Variants in FER1L6 observed in about 807,000 individuals in gnomAD.
FER1L6 encodes the protein fer-1 like family member 6.
Under a neutral mutation model 219.2 loss-of-function variants are expected in FER1L6, and 177 were observed. That is an observed-to-expected ratio of 0.81 (90% confidence interval 0.71 to 0.91). The LOEUF is 0.91. Among genes scored for constraint, FER1L6 ranks in the 40% least tolerant of loss-of-function variants. FER1L6 has a pLI of 0.00. For synonymous variants in FER1L6, 768 were observed against 824.3 expected (o/e 0.93, Z 1.17); for missense variants, 2,153 against 2,259.9 (o/e 0.95, Z 0.96).
intron 1 of FER1L6, among the ~76,000 whole-genome samples, chr8:123,931,152 C>T (rs371610916): frequency 6.6e-6 from 1 of 152,160 alleles, no homozygotes; most frequent in African/African-American, 2.4e-5. Context: ...CGCAGTATCT[C>T]TTATTGTATC....
chr8:124,117,962 T>G (rs1483336932), intron 39 of FER1L6, among the ~76,000 whole-genome samples: 1 of 152,192 alleles, frequency 6.6e-6, no homozygotes, highest in East Asian at 1.9e-4. Flanking sequence ...AATGCTTCAC[T>G]CCTACCAGCT....
At chr8:123,922,782 A>C (rs1418528178) in intron 1 of FER1L6, among the ~76,000 whole-genome samples, 2 of 152,146 alleles carry the variant, frequency 1.3e-5, no homozygotes, top group Admixed American at 6.5e-5. Context: ...TCGATGGCAC[A>C]CCTTTTTTCT....
At position 123,973,453 on chromosome 8, in the gene FER1L6, T is replaced by C. The variant is rs1300228144; in HGVS notation, c.467T>C (p.Ile156Thr). ...IKISVFHHKL[I>T]GSVLIGSFKV... ...CCTCAGGTCTTTCACCACAAGCTGA[T>C]AGGAAGTGTACTGATTGGCTCTTTC... is the stretch of plus-strand genomic sequence containing the variant. The change falls in exon 7 of 41, where the codon ATA becomes ACA. Residue 156 changes from isoleucine (I) to threonine (T), a missense_variant. By Grantham distance (89) the Ile-to-Thr change is moderately conservative. Coordinates refer to ENST00000522917, the MANE Select transcript of FER1L6 (RefSeq NM_001039112.2). The C allele has an allele frequency of 2.5e-6, 4 of 1,614,006 alleles. No individual in the cohort carries two copies. Among genetic ancestry groups the C allele is most frequent in the Non-Finnish European group, 3.4e-6 (4 of 1,179,892 alleles).
chr8:124,051,553 CTATT>C (rs754706281), intron 22 of FER1L6, among the ~76,000 whole-genome samples: 5 of 152,156 alleles, frequency 3.3e-5, no homozygotes, highest in Non-Finnish European at 7.4e-5. Context: ...CCACAAATAG[CTATT>C]TAAACTGAAA....
chr8:123,859,673 G>T (rs1816710202), intron 1 of FER1L6, among the ~76,000 whole-genome samples: 1 of 119,024 alleles, frequency 8.4e-6, no homozygotes, highest in Non-Finnish European at 1.7e-5. Context: ...CTAGCATTAG[G>T]TATATCTCCC....
Position 124,119,610 on chromosome 8 carries a change from C to T in FER1L6, c.5394C>T (p.Arg1798=), listed in dbSNP as rs753529615. 4.3e-6 allele frequency: 7 copies of T among 1,610,772 alleles called. No individual in the cohort carries two copies. The highest frequency in any genetic ancestry group is 1.7e-6 in the Non-Finnish European group (2 of 1,177,302). ...TTTTCTCTTCCTTCCCCCTCAGCCGCCCAGACACCTCCTTTTCGTGGTTCA... is the reference window on the plus strand; with the variant it reads ...TTTTCTCTTCCTTCCCCCTCAGCCGTCCAGACACCTCCTTTTCGTGGTTCA... The part of the protein sequence containing the change: ...KEPEPLAKPN[R]PDTSFSWFMS... The change falls in exon 41 of 41, where the codon CGC becomes CGT. Residue 1798 remains arginine, a synonymous_variant. Transcript: ENST00000522917.
At chr8:123,970,835 G>C (rs1815773455) in intron 6 of FER1L6, among the ~76,000 whole-genome samples, 1 of 152,324 alleles carries the variant, frequency 6.6e-6, no homozygotes, top group African/African-American at 2.4e-5. Flanking sequence ...TGAGAGAGAA[G>C]TCAGGCCAAA....
chr8:123,864,615 C>T (rs1333014267), intron 1 of FER1L6, among the ~76,000 whole-genome samples: 1 of 149,604 alleles, frequency 6.7e-6, no homozygotes, highest in Non-Finnish European at 1.5e-5. Context: ...CTTTCAGGTA[C>T]ACCAATCAGA....
chr8:123,923,827 C>G (rs923678415), intron 1 of FER1L6, among the ~76,000 whole-genome samples: 1 of 151,302 alleles, frequency 6.6e-6, no homozygotes, highest in African/African-American at 2.4e-5. Flanking sequence ...ATCCCAGCTA[C>G]TCGGGAGGCC....
intron 34 of FER1L6, among the ~76,000 whole-genome samples, chr8:124,093,267 T>G (rs1251922785): frequency 6.6e-6 from 1 of 151,988 alleles, no homozygotes; most frequent in Admixed American, 6.5e-5. Flanking sequence ...ACACTGGGGA[T>G]TACAGTTCGA....
intron 15 of FER1L6, among the ~76,000 whole-genome samples, chr8:124,016,534 T>C (rs1818207615): frequency 6.6e-6 from 1 of 152,138 alleles, no homozygotes; most frequent in South Asian, 2.1e-4. Context: ...TACTCTCCAG[T>C]GAGAAGAGTT....
At chr8:123,924,233 C>CA (rs71289625) in intron 1 of FER1L6, among the ~76,000 whole-genome samples, 1,068 of 66,798 alleles carry the variant, frequency 0.016, 26 homozygotes, top group East Asian at 0.034. Context: ...GACTCAGTAT[C>CA]AAAAAAAAAA....
chr8:123,905,221 C>T (rs1337717160), intron 1 of FER1L6, among the ~76,000 whole-genome samples: 1 of 152,156 alleles, frequency 6.6e-6, no homozygotes, highest in African/African-American at 2.4e-5. Flanking sequence ...ATCTATTTAT[C>T]CTGATACTCT....
In FER1L6 at chr8:123,970,097, C is replaced by A; in HGVS notation, c.447C>A (p.Ser149=). The part of the protein sequence containing the change: ...VHLFDKIIKI[S]VFHHKLIGSV... ...TTTTTGACAAGATCATCAAAATCTC[C>A]GTAAGTATAGCATTGGTGGTAATAG... Residue 149 remains serine (S), a splice_region_variant and synonymous_variant, in exon 6 of 41, where the codon TCC becomes TCA. Transcript: ENST00000522917. 6.2e-7 allele frequency: 1 copy of A among 1,613,584 alleles called. No individual in the cohort carries two copies. Among genetic ancestry groups the A allele is most frequent in the Non-Finnish European group, 8.5e-7 (1 of 1,179,614 alleles).
At chr8:123,997,085 C>T (rs909375213) in intron 12 of FER1L6, among the ~76,000 whole-genome samples, 2 of 152,098 alleles carry the variant, frequency 1.3e-5, no homozygotes, top group Admixed American at 6.6e-5. Flanking sequence ...TCTTTGTGTA[C>T]TTACTATTAC....
chr8:123,894,896 A>G (rs1029315116), intron 1 of FER1L6, among the ~76,000 whole-genome samples: 9 of 152,192 alleles, frequency 5.9e-5, no homozygotes, highest in Non-Finnish European at 1.0e-4. Flanking sequence ...AATAAAATAG[A>G]AAACTGTGAG....
chr8:124,083,477 A>G (rs1821660311), intron 33 of FER1L6, among the ~76,000 whole-genome samples: 1 of 152,144 alleles, frequency 6.6e-6, no homozygotes, highest in African/African-American at 2.4e-5. Context: ...TTTATTGAAG[A>G]GACTGTCCTT....
intron 7 of FER1L6, 147 bp from the exon 8 acceptor site, chr8:123,975,003 G>A: frequency 1.7e-6 from 1 of 605,266 alleles, no homozygotes. Flanking sequence ...GAGGGAAGCA[G>A]CATGAGGTTT....
intron 12 of FER1L6, among the ~76,000 whole-genome samples, chr8:123,997,403 T>C (rs1817183115): frequency 6.6e-6 from 1 of 152,224 alleles, no homozygotes; most frequent in African/African-American, 2.4e-5. Context: ...GGAGCTTCTT[T>C]GTATGTTATT....
Sources: allele counts gnomAD v4.1 joint callset (sites outside exome capture counted in the v4.1 genomes callset), GRCh38; gene constraint gnomAD v4.1.1; transcripts MANE v1.5; gene names NCBI Gene and HGNC (gene_info 2026-07-23, HGNC 2026-07-21).